ACLY: variants seen among roughly 807,000 people sequenced by gnomAD.
The protein encoded by ACLY is ATP citrate lyase.
In ACLY, 41 loss-of-function variants were observed where a neutral mutation model predicts 133.0. The observed-to-expected ratio is 0.31, with a 90% CI of 0.24 to 0.40. The LOEUF (loss-of-function observed/expected upper bound fraction) is 0.40. Ranked by LOEUF, ACLY falls within the 10% of genes least tolerant of loss-of-function variation. The pLI is 1.00. For missense variants in ACLY, 1,046 were observed against 1,453.8 expected, an observed-to-expected ratio of 0.72 and a Z score of 4.56; for synonymous variants, 495 against 549.3, an observed-to-expected ratio of 0.90 and a Z score of 1.38.
At chr17:41,927,984 C>G (rs534101393) in intron 1 of ACLY, among the ~76,000 whole-genome samples, 12 of 151,846 alleles carry the variant, frequency 7.9e-5, no homozygotes, top group African/African-American at 2.9e-4. Context: ...CAAAACAACA[C>G]AAAAATCAGC....
chr17:41,875,365 A>AAGG (rs1491299873), intron 22 of ACLY, among the ~76,000 whole-genome samples: 1 of 148,176 alleles, frequency 6.7e-6, no homozygotes, highest in African/African-American at 2.5e-5. Flanking sequence ...AAAAAAAAAA[A>AAGG]GGGGGGACGA....
chr17:41,876,677 T>G (rs1555626243), intron 22 of ACLY, among the ~76,000 whole-genome samples: 1 of 152,212 alleles, frequency 6.6e-6, no homozygotes, highest in African/African-American at 2.4e-5. Context: ...TTAAGGGCAG[T>G]GCAAGGTGTG....
intron 20 of ACLY, among the ~76,000 whole-genome samples, chr17:41,881,081 TG>T (rs1475632593): frequency 2.0e-5 from 3 of 151,226 alleles, no homozygotes; most frequent in African/African-American, 4.9e-5. Context: ...TTTTGGCTGT[TG>T]GGCGAGTACA....
In ACLY at chr17:41,914,604, G is replaced by A. The variant is rs115911259; in HGVS notation, c.-23-708C>T. Among the ~76,000 whole-genome samples, 524 of 152,238 alleles carry A rather than the reference G, an allele frequency of 3.4e-3. 6 individuals carry two copies. Among genetic ancestry groups the A allele is most frequent in the African/African-American group, 0.012 (505 of 41,508 alleles). Reference sequence around the variant, plus strand: ...AATCCTGAGTATGGAGCAGACACAGGGCAGGGAAACCGACCTTTAGCACAT... The same window carrying A: ...AATCCTGAGTATGGAGCAGACACAGAGCAGGGAAACCGACCTTTAGCACAT... On this transcript the variant is annotated intron_variant, in intron 1 of 28. Coordinates refer to ENST00000352035, the MANE Select transcript of ACLY (RefSeq NM_001096.3).
upstream of ACLY, among the ~76,000 whole-genome samples, chr17:41,919,975 G>A (rs1368794069): frequency 6.6e-6 from 1 of 152,116 alleles, no homozygotes; most frequent in Non-Finnish European, 1.5e-5. Flanking sequence ...TGCTCCCTAA[G>A]CCTAACAGCT....
chr17:41,895,870 A>G (rs1420451489), intron 14 of ACLY, among the ~76,000 whole-genome samples: 1 of 152,204 alleles, frequency 6.6e-6, no homozygotes, highest in Non-Finnish European at 1.5e-5. Flanking sequence ...TGTGAATGTC[A>G]AAGTTAAATG....
At chr17:41,907,374 C>G (rs1412817247) in intron 7 of ACLY, 68 bp downstream of exon 7, 1 of 1,496,838 alleles carries the variant, frequency 6.7e-7, no homozygotes, top group African/African-American at 1.4e-5. Context: ...GCCAAATGCA[C>G]ATCAAAGATG....
intron 27 of ACLY, 125 bp from the exon 28 acceptor site, chr17:41,868,910 A>AT (rs150312316): frequency 5.9e-6 from 8 of 1,347,068 alleles, no homozygotes; most frequent in Non-Finnish European, 8.4e-6. Context: ...ATTACAGGCA[A>AT]TTTTTGTTTT....
chr17:41,911,839 G>A (rs2049911456), intron 3 of ACLY, among the ~76,000 whole-genome samples: 1 of 151,976 alleles, frequency 6.6e-6, no homozygotes, highest in South Asian at 2.1e-4. Context: ...AGTAGGCCGG[G>A]CGCAGTGGCT....
chr17:41,871,619 T>C, intron 25 of ACLY, 70 bp downstream of exon 25: 1 of 1,593,266 alleles, frequency 6.3e-7, no homozygotes, highest in South Asian at 1.1e-5. Flanking sequence ...CCTCCCAAAG[T>C]GCTGTGATTA....
intron 11 of ACLY, among the ~76,000 whole-genome samples, chr17:41,900,069 CA>C (rs60296550): frequency 6.0e-4 from 28 of 46,626 alleles, no homozygotes; most frequent in South Asian, 2.9e-3. Flanking sequence ...ACCCTGTCTC[CA>C]AAAAAAAAAA....
chr17:41,920,070 C>A (rs1178843675), upstream of ACLY, among the ~76,000 whole-genome samples: 5 of 152,204 alleles, frequency 3.3e-5, no homozygotes, highest in African/African-American at 1.2e-4. Context: ...AGCAGCAGGC[C>A]TGTCCCCCTG....
At chr17:41,892,240 T>TGGGGGGGGGGGG in intron 16 of ACLY, 39 bp downstream of exon 16, 3 of 400,152 alleles carry the variant, frequency 7.5e-6, no homozygotes, top group East Asian at 9.4e-5. Flanking sequence ...GCATAGTTCA[T>TGGGGGGGGGGGG]GGTCCCCACC....
rs781850032 is a variant in ACLY, at chr17:41,880,523, T to C, written c.2266-1599A>G. Among the ~76,000 whole-genome samples, 64 of 152,236 alleles carry C rather than the reference T, an allele frequency of 4.2e-4. No individual in the cohort carries two copies. In the Middle Eastern group the frequency reaches 0.01, roughly 24 times the overall value. On this transcript the variant is annotated intron_variant, in intron 20 of 28. Coordinates refer to ENST00000352035, the MANE Select transcript of ACLY (RefSeq NM_001096.3). ...TAAGTTTCTTGTAACTCTGGATTTC[T>C]CAAAACTAAAAACAAAATTTCTAAA... is the stretch of plus-strand genomic sequence containing the variant.
At chr17:41,899,037 G>A (rs1320598825) in intron 11 of ACLY, among the ~76,000 whole-genome samples, 1 of 152,186 alleles carries the variant, frequency 6.6e-6, no homozygotes, top group Admixed American at 6.5e-5. Flanking sequence ...CAATTTGGGA[G>A]GCCGAGGCGG....
At chr17:41,919,978 T>G (rs2144447977), upstream of ACLY, among the ~76,000 whole-genome samples, 1 of 152,220 alleles carries the variant, frequency 6.6e-6, no homozygotes, top group East Asian at 1.9e-4. Flanking sequence ...TCCCTAAGCC[T>G]AACAGCTGTC....
At chr17:41,927,007 T>G (rs552361303) in intron 1 of ACLY, among the ~76,000 whole-genome samples, 3 of 152,052 alleles carry the variant, frequency 2.0e-5, no homozygotes, top group Non-Finnish European at 4.4e-5. Flanking sequence ...TAACTGGGAT[T>G]CCAGGCATGT....
At chr17:41,904,880 C>A in intron 9 of ACLY, 90 bp from the exon 10 acceptor site, 1 of 1,298,816 alleles carries the variant, frequency 7.7e-7, no homozygotes, top group East Asian at 2.3e-5. Flanking sequence ...TTCTTGTTCC[C>A]CTGAATGAGG....
At chr17:41,929,419 G>A (rs928361887) in intron 1 of ACLY, among the ~76,000 whole-genome samples, 9 of 152,024 alleles carry the variant, frequency 5.9e-5, no homozygotes, top group African/African-American at 9.7e-5. Flanking sequence ...CGTCTACTGG[G>A]CTCCACCATA....
Sources: gnomAD v4.1 joint callset for allele counts (sites outside exome capture counted in the v4.1 genomes callset) on GRCh38, gnomAD v4.1.1 for gene constraint, MANE v1.5 for transcripts, NCBI Gene and HGNC (gene_info 2026-07-23, HGNC 2026-07-21) for gene names.